LIX1: variants seen among roughly 807,000 people sequenced by gnomAD.
LIX1 encodes limb and CNS expressed 1.
In LIX1, 24 loss-of-function variants were observed where a neutral mutation model predicts 33.4. The ratio of observed to expected loss-of-function variants is 0.72; its 90% CI spans 0.52 to 1.01. The LOEUF (loss-of-function observed/expected upper bound fraction) is 1.01, where lower values mean the gene tolerates loss of function less well. Ranked by LOEUF, LIX1 falls within the 50% of genes least tolerant of loss-of-function variation. The pLI is 0.00. For missense variants in LIX1, 311 were observed against 339.2 expected, an observed-to-expected ratio of 0.92 and a Z score of 0.65; for synonymous variants, 124 against 124.0, an observed-to-expected ratio of 1.00 and a Z score of 0.00.
intron 4 of LIX1, among the ~76,000 whole-genome samples, chr5:97,101,246 T>C (rs1057109839): frequency 6.6e-6 from 1 of 152,198 alleles, no homozygotes; most frequent in Non-Finnish European, 1.5e-5. Flanking sequence ...ATTATTTATC[T>C]TGATTATGAA....
intron 2 of LIX1, among the ~76,000 whole-genome samples, chr5:97,122,070 G>A (rs1022389437): frequency 1.3e-5 from 2 of 152,126 alleles, no homozygotes; most frequent in African/African-American, 4.8e-5. Flanking sequence ...ATCAAGCTCT[G>A]TTCTGAGGCT....
chr5:97,102,304 G>C (rs542383851), intron 4 of LIX1, among the ~76,000 whole-genome samples: 34 of 152,024 alleles, frequency 2.2e-4, no homozygotes, highest in Non-Finnish European at 1.8e-4. Flanking sequence ...CTGAATTGCT[G>C]TGTTGGCTGC....
intron 2 of LIX1, among the ~76,000 whole-genome samples, chr5:97,109,632 G>A (rs1747264047): frequency 6.7e-6 from 1 of 150,100 alleles, no homozygotes; most frequent in Non-Finnish European, 1.5e-5. Flanking sequence ...ATGTGGATAA[G>A]TTCTTTTGCG....
intron 1 of LIX1, among the ~76,000 whole-genome samples, chr5:97,131,433 A>AT (rs1329907124): frequency 1.3e-5 from 2 of 152,126 alleles, no homozygotes; most frequent in Non-Finnish European, 2.9e-5. Context: ...GAGTGGCCCT[A>AT]TGTCTTAGCA....
In LIX1 at chr5:97,095,027, G is replaced by T. The variant is rs2112743617; in HGVS notation, c.570C>A (p.Ile190=). Residue 190 remains isoleucine (I), a synonymous_variant, in exon 6 of 6, where the codon ATC becomes ATA. Transcript: ENST00000274382. ...CTAGAGAATACTGAGAATAGTAGGAGATGACTTCCTGGGGGCCAAGAAACA... is the reference window on the plus strand; with the variant it reads ...CTAGAGAATACTGAGAATAGTAGGATATGACTTCCTGGGGGCCAAGAAACA... ...RETKCSRQEV[I]SYYSQYSLDE... The T allele has an allele frequency of 6.2e-7, 1 of 1,612,816 alleles. No homozygotes were observed. Among genetic ancestry groups the T allele is most frequent in the Middle Eastern group, 1.7e-4 (1 of 5,986 alleles).
At chr5:97,115,949 T>G (rs1747624836) in intron 2 of LIX1, among the ~76,000 whole-genome samples, 1 of 152,140 alleles carries the variant, frequency 6.6e-6, no homozygotes, top group Admixed American at 6.6e-5. Context: ...CAAAACCAAA[T>G]AAATTGACTC....
intron 4 of LIX1, among the ~76,000 whole-genome samples, chr5:97,097,221 T>C (rs1457848788): frequency 1.3e-5 from 2 of 152,198 alleles, no homozygotes; most frequent in Non-Finnish European, 2.9e-5. Flanking sequence ...AAATAGTGTA[T>C]AGGCAAGGTT....
At chr5:97,122,275 T>G (rs1747805992) in intron 2 of LIX1, among the ~76,000 whole-genome samples, 1 of 152,206 alleles carries the variant, frequency 6.6e-6, no homozygotes, top group East Asian at 1.9e-4. Context: ...CATTTGTTCA[T>G]GTGAACCTGG....
At chr5:97,131,422 T>A (rs1266709008) in intron 1 of LIX1, among the ~76,000 whole-genome samples, 1 of 152,202 alleles carries the variant, frequency 6.6e-6, no homozygotes, top group Non-Finnish European at 1.5e-5. Flanking sequence ...TCTTATTCCA[T>A]GAGTGGCCCT....
At chr5:97,103,180 TTGTTATG>T in intron 4 of LIX1, 1 of 411,054 alleles carries the variant, frequency 2.4e-6, no homozygotes, top group Admixed American at 3.3e-5. Flanking sequence ...TAGTTTTAGA[TTGTTATG>T]AAAAAAAAAG....
intron 1 of LIX1, among the ~76,000 whole-genome samples, chr5:97,138,216 T>C (rs1748210526): frequency 6.6e-6 from 1 of 152,252 alleles, no homozygotes; most frequent in Non-Finnish European, 1.5e-5. Flanking sequence ...AAATCTTACA[T>C]GTCACTTCAT....
intron 4 of LIX1, among the ~76,000 whole-genome samples, chr5:97,101,276 A>T (rs1044503339): frequency 6.6e-6 from 1 of 152,134 alleles, no homozygotes; most frequent in Non-Finnish European, 1.5e-5. Context: ...CATCCCTTTC[A>T]ATTTTGTACC....
chr5:97,136,173 G>A (rs1393268214), intron 1 of LIX1, among the ~76,000 whole-genome samples: 1 of 152,204 alleles, frequency 6.6e-6, no homozygotes, highest in Non-Finnish European at 1.5e-5. Flanking sequence ...GTGCCAACAT[G>A]GCATATGGAA....
At chr5:97,107,211 T>A (rs1235097143) in intron 3 of LIX1, 149 bp downstream of exon 3, 2 of 717,218 alleles carry the variant, frequency 2.8e-6, no homozygotes, top group Non-Finnish European at 4.5e-6. Context: ...TTAAGTATTC[T>A]GTTTTCTGAA....
At chr5:97,118,206 C>T (rs181772093) in intron 2 of LIX1, among the ~76,000 whole-genome samples, 13 of 152,252 alleles carry the variant, frequency 8.5e-5, no homozygotes, top group Middle Eastern at 6.8e-3. Flanking sequence ...CATAAATAAT[C>T]ACATGCTCTA....
At position 97,094,498 on chromosome 5, in the gene LIX1, C is replaced by T. The variant is rs1746237947; in HGVS notation, c.*250G>A. On this transcript the variant is annotated 3_prime_UTR_variant, in exon 6 of 6. Transcript: ENST00000274382. ...CCAGGCCTGGAAAATGTTTTTCAAA[C>T]AATTTTGTGTCTATCCTTTCATCCT... 2 of 471,198 alleles carry T rather than the reference C, an allele frequency of 4.2e-6. No individual in the cohort carries two copies. The highest frequency in any genetic ancestry group is 7.5e-5 in the Admixed American group (2 of 26,662). The allele number at this position is 471,198 out of a possible 1,614,324, so 29.2% of individuals were successfully genotyped here. A position where few individuals can be genotyped will look rare whatever the true frequency, so the allele number is the denominator to read the frequency against.
intron 2 of LIX1, among the ~76,000 whole-genome samples, chr5:97,122,569 T>C (rs1747811374): frequency 6.6e-6 from 1 of 152,216 alleles, no homozygotes; most frequent in South Asian, 2.1e-4. Flanking sequence ...TTAATTTTTA[T>C]TTTATATTCT....
chr5:97,142,153 C>A (rs1748304147), intron 1 of LIX1, among the ~76,000 whole-genome samples: 1 of 152,182 alleles, frequency 6.6e-6, no homozygotes, highest in Non-Finnish European at 1.5e-5. Context: ...ATTCTAGTAT[C>A]ATTTCCAAAT....
chr5:97,115,123 G>C (rs1043600973), intron 2 of LIX1, among the ~76,000 whole-genome samples: 2 of 152,046 alleles, frequency 1.3e-5, no homozygotes, highest in Non-Finnish European at 2.9e-5. Flanking sequence ...ATTTTCCAGG[G>C]TGTCACACTA....
Sources: allele counts gnomAD v4.1 joint callset (sites outside exome capture counted in the v4.1 genomes callset), GRCh38; gene constraint gnomAD v4.1.1; transcripts MANE v1.5; gene names NCBI Gene and HGNC (gene_info 2026-07-23, HGNC 2026-07-21).